PIEZO1: variants seen among roughly 807,000 people sequenced by gnomAD.
The protein encoded by PIEZO1 is piezo-type mechanosensitive ion channel component 1.
Under a neutral mutation model 297.2 loss-of-function variants are expected in PIEZO1, and 296 were observed. That is an observed-to-expected ratio of 1.00 (90% CI 0.91 to 1.10). The LOEUF (loss-of-function observed/expected upper bound fraction) is 1.10, where lower values mean the gene tolerates loss of function less well. Ranked by LOEUF, PIEZO1 falls within the 50% of genes least tolerant of loss-of-function variation. The pLI, the probability that PIEZO1 is intolerant of heterozygous loss-of-function variation, is 0.00. For synonymous variants in PIEZO1, 2,427 were observed against 1,507.5 expected (o/e 1.61, Z -14.13); for missense variants, 5,018 against 3,455.5 (o/e 1.45, Z -11.34).
chr16:88,733,804 G>C lies in PIEZO1; in HGVS notation c.2330-59C>G, dbSNP rs1905034549. 4 of 1,477,000 alleles carry C rather than the reference G, an allele frequency of 2.7e-6. No homozygotes were observed. The South Asian group carries it at 5.4e-5, about 20-fold the overall frequency. 91.5% of individuals were successfully genotyped at this position (1,477,000 alleles called of 1,614,324 possible). A position where few individuals can be genotyped will look rare whatever the true frequency, so the allele number is the denominator to read the frequency against. ...ACGGGGATTCCCGGGTCCCCTGTGA[G>C]GAAGAGGCTCTGGAGCCCAGAGGGG... On this transcript the variant is annotated intron_variant, in intron 17 of 50. Coordinates refer to ENST00000301015, the MANE Select transcript of PIEZO1 (RefSeq NM_001142864.4).
intron 11 of PIEZO1, 109 bp downstream of exon 11, chr16:88,736,530 C>T (rs992825042): frequency 1.8e-5 from 11 of 600,956 alleles, no homozygotes; most frequent in East Asian, 2.8e-5. Context: ...ATGCCCCACA[C>T]CTGCGCGGCA....
At chr16:88,728,404 G>A (rs1904607995) in intron 22 of PIEZO1, among the ~76,000 whole-genome samples, 1 of 152,004 alleles carries the variant, frequency 6.6e-6, no homozygotes, top group African/African-American at 2.4e-5. Flanking sequence ...GACCCTCCAT[G>A]CTGGGGAACC....
intron 44 of PIEZO1, chr16:88,718,430 A>G (rs1271018597): frequency 6.6e-6 from 1 of 152,440 alleles, no homozygotes; most frequent in Admixed American, 6.5e-5. Context: ...GCCTGGCAGC[A>G]TCACGGGCAA....
intron 29 of PIEZO1, 93 bp from the exon 30 acceptor site, chr16:88,725,173 G>A (rs1308090511): frequency 5.5e-6 from 5 of 905,742 alleles, no homozygotes; most frequent in East Asian, 2.9e-5. Flanking sequence ...AGGATAGGTG[G>A]AGACAGACAC....
In PIEZO1 at chr16:88,722,007, G is replaced by A. The variant is rs1298230448; in HGVS notation, c.5015C>T (p.Ala1672Val). Residue 1672 changes from alanine to valine, a missense_variant, in exon 37 of 51, where the codon GCG becomes GTG. Transcript: ENST00000301015. ...AELFAEGQGR[A>V]LRLLRAVYQC... ...GTACACGGCCCGCAGCAGCCGCAGCGCCCGGCCCTGCCCCTCCGCAAACAG... is the reference window on the plus strand; with the variant it reads ...GTACACGGCCCGCAGCAGCCGCAGCACCCGGCCCTGCCCCTCCGCAAACAG... The A allele has an allele frequency of 5.8e-6, 9 of 1,548,594 alleles. No individual in the cohort carries two copies. Among genetic ancestry groups the A allele is most frequent in the Middle Eastern group, 1.9e-4 (1 of 5,378 alleles).
At chr16:88,722,151 C>A in intron 36 of PIEZO1, 67 bp downstream of exon 36, 1 of 1,523,068 alleles carries the variant, frequency 6.6e-7, no homozygotes, top group Non-Finnish European at 8.8e-7. Context: ...CAGTCAGTCT[C>A]CTGCCCCTGT....
chr16:88,726,558 C>T lies in PIEZO1; in HGVS notation c.3785G>A (p.Gly1262Asp). 2.6e-6 allele frequency: 4 copies of T among 1,549,996 alleles called. No homozygotes were observed. Among genetic ancestry groups the T allele is most frequent in the Non-Finnish European group, 3.5e-6 (4 of 1,146,700 alleles). ...QLFSLVCTVKGYYDPKEMMDR... is the reference protein window; with the variant it reads ...QLFSLVCTVKDYYDPKEMMDR... ...TCCTGGCCACTCACGGTCATAGTAG[C>T]CCTTGACGGTGCATACAAGGCTGAA... The change falls in exon 26 of 51, where the codon GGC becomes GAC. Residue 1262 changes from glycine to aspartate, a missense_variant. Gly to Asp is a moderately conservative substitution (Grantham distance 94, BLOSUM62 -1). Coordinates refer to ENST00000301015, the MANE Select transcript of PIEZO1 (RefSeq NM_001142864.4).
chr16:88,782,204 G>A (rs537783429), intron 1 of PIEZO1, among the ~76,000 whole-genome samples: 437 of 152,278 alleles, frequency 2.9e-3, no homozygotes, highest in African/African-American at 0.01. Context: ...CCAACTCCTG[G>A]ACTCAAACAA....
chr16:88,715,906 G>T, intron 50 of PIEZO1, 27 bp downstream of exon 50: 3 of 1,533,976 alleles, frequency 2.0e-6, no homozygotes, highest in Non-Finnish European at 2.6e-6. Flanking sequence ...CCCGAGCTGC[G>T]GGGTGCCCCC....
At chr16:88,750,866 C>A (rs1388870664) in intron 1 of PIEZO1, among the ~76,000 whole-genome samples, 2 of 151,792 alleles carry the variant, frequency 1.3e-5, no homozygotes, top group Non-Finnish European at 2.9e-5. Flanking sequence ...CCACCCTCCA[C>A]CCTCCACCCA....
intron 44 of PIEZO1, chr16:88,718,537 C>G (rs1330337742): frequency 6.6e-6 from 1 of 152,304 alleles, no homozygotes; most frequent in African/African-American, 2.4e-5. Flanking sequence ...GGGTGGACCT[C>G]AGAGACACCA....
chr16:88,730,469 T>G (rs1368853653), intron 22 of PIEZO1, among the ~76,000 whole-genome samples: 2 of 151,914 alleles, frequency 1.3e-5, no homozygotes, highest in African/African-American at 4.8e-5. Flanking sequence ...CTGGTGGTGC[T>G]TGCCTGTAAT....
At position 88,716,345 on chromosome 16, in the gene PIEZO1, C is replaced by T. The variant is rs575843344; in HGVS notation, c.7049+16G>A. Reference sequence around the variant, plus strand: ...TGGCACAGCCCTCCTGCCCACCACCCGGGCCCTTCACTCACACAGACTGGT... The same window carrying T: ...TGGCACAGCCCTCCTGCCCACCACCTGGGCCCTTCACTCACACAGACTGGT... On this transcript the variant is annotated intron_variant, in intron 48 of 50. Coordinates refer to ENST00000301015, the MANE Select transcript of PIEZO1 (RefSeq NM_001142864.4). The T allele has an allele frequency of 4.1e-4, 627 of 1,519,160 alleles. No individual in the cohort carries two copies. Among genetic ancestry groups the T allele is most frequent in the Non-Finnish European group, 5.1e-4 (572 of 1,128,280 alleles). 94.1% of individuals were successfully genotyped at this position (1,519,160 alleles called of 1,614,324 possible).
rs1258067049 is a variant in PIEZO1 at position 88,717,140 on chromosome 16, G to A, written c.6543C>T (p.Leu2181=). The change falls in exon 45 of 51, where the codon CTC becomes CTT. Residue 2181 remains leucine (L), a synonymous_variant. Transcript: ENST00000301015. Reference sequence around the variant, plus strand: ...GGAACCAGATGATGGCGATGAGGAAGAGGATGATGAGGCCACCCATGCCGT... The same window carrying A: ...GGAACCAGATGATGGCGATGAGGAAAAGGATGATGAGGCCACCCATGCCGT... ...VKYGMGGLII[L]FLIAIIWFPL... 2.6e-6 allele frequency: 4 copies of A among 1,551,242 alleles called. No homozygotes were observed. The highest frequency in any genetic ancestry group is 3.5e-6 in the Non-Finnish European group (4 of 1,147,218).
chr16:88,738,606 G>A lies in PIEZO1; in HGVS notation c.596C>T (p.Ala199Val). 1 of 1,535,622 alleles carries A rather than the reference G, an allele frequency of 6.5e-7. No individual in the cohort carries two copies. Among genetic ancestry groups the A allele is most frequent in the Non-Finnish European group, 8.7e-7 (1 of 1,146,716 alleles). Residue 199 changes from alanine to valine, a missense_variant, in exon 6 of 51, where the codon GCT becomes GTT. Transcript: ENST00000301015. Reference sequence around the variant, plus strand: ...CAGTGTTACGGCCAGGACCCGCCCAGCCGCCACCAGCAGCCAGTGGGCCGT... The same window carrying A: ...CAGTGTTACGGCCAGGACCCGCCCAACCGCCACCAGCAGCCAGTGGGCCGT... ...RVTAHWLLVA[A>V]GRVLAVTLLA...
In PIEZO1 at chr16:88,715,976, C is replaced by T; in HGVS notation, c.7273G>A (p.Asp2425Asn). ...CNLLPMVIFS[D>N]KVSPPSLGFL... The stretch of plus-strand genomic sequence containing the variant: ...CCGAGGCTCGGTGGGCTGACCTTGT[C>T]ACTGAAAATGACCATGGGCAGCAGG... The change falls in exon 50 of 51, where the codon GAC (aspartate) becomes AAC (asparagine). Residue 2425 changes from aspartate to asparagine, a missense_variant. Transcript: ENST00000301015. The T allele has an allele frequency of 6.5e-7, 1 of 1,550,084 alleles. No individual in the cohort carries two copies. Among genetic ancestry groups the T allele is most frequent in the Non-Finnish European group, 8.7e-7 (1 of 1,146,854 alleles).
In PIEZO1 at chr16:88,736,503, C is replaced by A. The variant is rs1461092506; in HGVS notation, c.1297-95G>T. ...CAGAGGGGGCTGCACAGCTGCCCAG[C>A]GCACCCCACCCAGGCGATGCCCCAC... On this transcript the variant is annotated intron_variant, in intron 11 of 50. Transcript: ENST00000301015. 4 of 601,342 alleles carry A rather than the reference C, an allele frequency of 6.7e-6. No homozygotes were observed. In the African/African-American group the frequency reaches 7.7e-5, roughly 12 times the overall value. The allele number at this position is 601,342 out of a possible 1,614,324, so 37.3% of individuals were successfully genotyped here.
chr16:88,720,021 T>C, intron 42 of PIEZO1, 48 bp downstream of exon 42: 3 of 1,548,984 alleles, frequency 1.9e-6, no homozygotes, highest in Non-Finnish European at 2.6e-6. Flanking sequence ...GCCCCCAGCC[T>C]GCACTGCCCC....
chr16:88,716,059 G>GC lies in PIEZO1; in HGVS notation c.7189dup (p.Ala2397GlyfsTer29), dbSNP rs1567656195. 2.6e-6 allele frequency: 4 copies of GC among 1,550,170 alleles called. No homozygotes were observed. Among genetic ancestry groups the GC allele is most frequent in the Non-Finnish European group, 3.5e-6 (4 of 1,146,868 alleles). On this transcript the variant is annotated frameshift_variant, in exon 50 of 51. Coordinates refer to ENST00000301015, the MANE Select transcript of PIEZO1 (RefSeq NM_001142864.4). LOFTEE classifies it high-confidence loss of function. ...GACCCACCATTCGAGGAAGCCGGTGGCCCCCGCACCCTGCTCCCTCCGCAG... is the reference window on the plus strand; with the variant it reads ...GACCCACCATTCGAGGAAGCCGGTGGCCCCCCGCACCCTGCTCCCTCCGCAG...
Sources: gnomAD v4.1 joint callset for allele counts (sites outside exome capture counted in the v4.1 genomes callset) on GRCh38, gnomAD v4.1.1 for gene constraint, MANE v1.5 for transcripts, NCBI Gene and HGNC (gene_info 2026-07-23, HGNC 2026-07-21) for gene names.